ECD: variants seen among roughly 807,000 people sequenced by gnomAD.
ECD encodes the protein ecdysoneless cell cycle regulator.
ECD carries 59 observed loss-of-function variants against 77.2 expected under a neutral mutation model. The ratio of observed to expected loss-of-function variants is 0.76; its 90% CI spans 0.62 to 0.95. The LOEUF (loss-of-function observed/expected upper bound fraction) is 0.95. ECD is among the 40% of genes least tolerant of loss of function. The pLI is 0.00. For missense variants in ECD, 704 were observed against 763.4 expected, an observed-to-expected ratio of 0.92 and a Z score of 0.92; for synonymous variants, 233 against 267.4, an observed-to-expected ratio of 0.87 and a Z score of 1.26.
intron 9 of ECD, among the ~76,000 whole-genome samples, chr10:73,140,186 T>C (rs898441418): frequency 6.6e-6 from 1 of 151,896 alleles, no homozygotes; most frequent in Non-Finnish European, 1.5e-5. Flanking sequence ...GGTTTCACCA[T>C]ATTGGCCAGG....
At chr10:73,151,754 GTAT>G (rs1159009579) in intron 7 of ECD, among the ~76,000 whole-genome samples, 2 of 152,080 alleles carry the variant, frequency 1.3e-5, no homozygotes, top group East Asian at 3.9e-4. Flanking sequence ...TAATTGGCTA[GTAT>G]TATCATTTTC....
chr10:73,157,445 G>A (rs148596763), intron 3 of ECD, among the ~76,000 whole-genome samples: 1,702 of 151,794 alleles, frequency 0.011, 56 homozygotes, highest in Non-Finnish European at 8.3e-3. Flanking sequence ...ATGGCCAGGT[G>A]CAGTGGCTCA....
At chr10:73,155,007 G>C (rs181149713) in intron 5 of ECD, among the ~76,000 whole-genome samples, 16 of 152,252 alleles carry the variant, frequency 1.1e-4, no homozygotes, top group African/African-American at 3.9e-4. Flanking sequence ...TCTTCTAAAA[G>C]AATGGTACAA....
Position 73,152,436 on chromosome 10 carries a change from A to C in ECD, c.784-15T>G, listed in dbSNP as rs1161152444. The stretch of plus-strand genomic sequence containing the variant: ...GTGAATGTGACCTGGGCATCAAGAC[A>C]CAAAATACATGAGTCTTTTCCTGAA... On this transcript the variant is annotated splice_polypyrimidine_tract_variant and intron_variant, in intron 6 of 13. Transcript: ENST00000372979. 1.2e-6 allele frequency: 2 copies of C among 1,608,490 alleles called. No homozygotes were observed. Among genetic ancestry groups the C allele is most frequent in the African/African-American group, 2.7e-5 (2 of 74,836 alleles).
At chr10:73,152,455 T>C in intron 6 of ECD, 34 bp from the exon 7 acceptor site, 1 of 1,597,500 alleles carries the variant, frequency 6.3e-7, no homozygotes, top group Non-Finnish European at 8.6e-7. Flanking sequence ...ATGAGTCTTT[T>C]CCTGAAATTA....
At position 73,154,154 on chromosome 10, in the gene ECD, G is replaced by A. The variant is rs907220263; in HGVS notation, c.783+102C>T. On this transcript the variant is annotated intron_variant, in intron 6 of 13. Coordinates refer to ENST00000372979, the MANE Select transcript of ECD (RefSeq NM_007265.3). ...TTTTCTAGAGAACAATTAAAATAAT[G>A]TTTCATTCACTGAGCACTGAGAAAT... The A allele has an allele frequency of 7.0e-6, 8 of 1,141,292 alleles. No homozygotes were observed. In the African/African-American group the frequency reaches 1.3e-4, roughly 18 times the overall value. 70.7% of individuals were successfully genotyped at this position (1,141,292 alleles called of 1,614,324 possible).
chr10:73,164,663 GT>G (rs1488287338), intron 1 of ECD, among the ~76,000 whole-genome samples: 3 of 151,942 alleles, frequency 2.0e-5, no homozygotes, highest in Non-Finnish European at 4.4e-5. Flanking sequence ...TAGAGGCAAG[GT>G]TTTGCCATAT....
intron 3 of ECD, among the ~76,000 whole-genome samples, chr10:73,158,227 T>C (rs1436968717): frequency 6.6e-6 from 1 of 151,922 alleles, no homozygotes; most frequent in Non-Finnish European, 1.5e-5. Flanking sequence ...TCCCAAAGCG[T>C]TGGGATTACA....
At chr10:73,151,745 A>C (rs769324248) in intron 7 of ECD, among the ~76,000 whole-genome samples, 10 of 152,192 alleles carry the variant, frequency 6.6e-5, no homozygotes, top group Non-Finnish European at 1.0e-4. Context: ...TTTTAAAATT[A>C]ATTGGCTAGT....
chr10:73,139,846 A>ATT, intron 9 of ECD, 109 bp from the exon 10 acceptor site: 22 of 471,920 alleles, frequency 4.7e-5, no homozygotes, highest in East Asian at 2.6e-4. Context: ...TAATTTGGGG[A>ATT]GTGTTTTTTT....
chr10:73,146,162 A>T, intron 9 of ECD, 114 bp downstream of exon 9: 4 of 403,298 alleles, frequency 9.9e-6, no homozygotes, highest in Non-Finnish European at 1.5e-5. Context: ...TGGGTGACAG[A>T]GTGAGACTCC....
chr10:73,156,144 A>C, intron 5 of ECD, 131 bp downstream of exon 5: 1 of 704,272 alleles, frequency 1.4e-6, no homozygotes, highest in Non-Finnish European at 2.2e-6. Flanking sequence ...GGTGAAAGGT[A>C]TTTTATAGTC....
rs1357967377 is a variant in ECD, at chr10:73,167,976, C to T, written c.-124G>A. 8 of 274,418 alleles carry T rather than the reference C, an allele frequency of 2.9e-5. No homozygotes were observed. Among genetic ancestry groups the T allele is most frequent in the South Asian group, 5.0e-5 (1 of 20,162 alleles). The allele number at this position is 274,418 out of a possible 1,614,324, so 17.0% of individuals were successfully genotyped here. A position where few individuals can be genotyped will look rare whatever the true frequency, so the allele number is the denominator to read the frequency against. ...ACCGGCCGCCGAAGCCTGGATCAGG[C>T]TCTGTCCCGACGCCTGACCGGAACC... On this transcript the variant is annotated 5_prime_UTR_variant, in exon 1 of 14. Coordinates refer to ENST00000372979, the MANE Select transcript of ECD (RefSeq NM_007265.3).
At chr10:73,163,101 G>C (rs924898664) in intron 2 of ECD, among the ~76,000 whole-genome samples, 4 of 152,170 alleles carry the variant, frequency 2.6e-5, no homozygotes, top group Non-Finnish European at 4.4e-5. Flanking sequence ...AGATAGACCT[G>C]TCCGAGTCAT....
chr10:73,134,737 A>G lies in ECD; in HGVS notation c.1781T>C (p.Val594Ala). The G allele has an allele frequency of 3.7e-6, 6 of 1,614,178 alleles. No homozygotes were observed. The highest frequency in any genetic ancestry group is 5.1e-6 in the Non-Finnish European group (6 of 1,180,016). The change falls in exon 14 of 14, where the codon GTA becomes GCA. Residue 594 changes from valine to alanine, a missense_variant. By Grantham distance (64) the Val-to-Ala change is moderately conservative. This residue lies in a region of ECD where 142 missense variants were observed against 163.6 expected (regional missense o/e 0.87). Transcript: ENST00000372979. ...TGAAACCAGGTTCAGGTCTACATCT[A>G]CTGGTGCCATAACAGATTCTCCCGT... The part of the protein sequence containing the change: ...SGTGESVMAP[V>A]DVDLNLVSNI...
At chr10:73,162,612 C>T (rs1843395534) in intron 2 of ECD, among the ~76,000 whole-genome samples, 1 of 152,082 alleles carries the variant, frequency 6.6e-6, no homozygotes, top group Non-Finnish European at 1.5e-5. Flanking sequence ...CTGAGAGTAT[C>T]ACAGTGATGT....
intron 9 of ECD, among the ~76,000 whole-genome samples, chr10:73,143,538 T>A (rs1843085494): frequency 6.6e-6 from 1 of 152,174 alleles, no homozygotes; most frequent in South Asian, 2.1e-4. Flanking sequence ...TTCTTTTTCA[T>A]TTTCATTTTT....
At chr10:73,139,573 T>G in intron 10 of ECD, 58 bp downstream of exon 10, 1 of 1,585,650 alleles carries the variant, frequency 6.3e-7, no homozygotes, top group South Asian at 1.2e-5. Flanking sequence ...TGAGACTGAG[T>G]AGAACATTTT....
At position 73,163,785 on chromosome 10, in the gene ECD, G is replaced by GTTCTGC; in HGVS notation, c.152_153insGCAGAA (p.Val51_Pro52insGlnAsn). On this transcript the variant is annotated inframe_insertion, in exon 2 of 14. Transcript: ENST00000372979. ...AAGGCTGATTCTGCCAGATGTAGGG[G>GTTCTGC]ACCAGCATAGGTGCAAACCGAGTGA... 6.2e-7 allele frequency: 1 copy of GTTCTGC among 1,614,096 alleles called. No homozygotes were observed. Among genetic ancestry groups the GTTCTGC allele is most frequent in the Non-Finnish European group, 8.5e-7 (1 of 1,180,028 alleles).
Sources: allele counts gnomAD v4.1 joint callset (sites outside exome capture counted in the v4.1 genomes callset), GRCh38; gene constraint gnomAD v4.1.1; regional missense constraint gnomAD v4.1.1; transcripts MANE v1.5; gene names NCBI Gene and HGNC (gene_info 2026-07-23, HGNC 2026-07-21).